The following YWHAZ variants were observed in gnomAD, a reference collection of about 807,000 sequenced individuals.
The protein encoded by YWHAZ is 14-3-3 protein zeta/delta.
For synonymous variants in YWHAZ, 87 were observed against 103.6 expected, an observed-to-expected ratio of 0.84 and a Z score of 0.97; for missense variants, 79 against 284.8, an observed-to-expected ratio of 0.28 and a Z score of 5.20.
chr8:100,930,875 CTAA>C (rs1343475902), intron 2 of YWHAZ, among the ~76,000 whole-genome samples: 1 of 152,124 alleles, frequency 6.6e-6, no homozygotes, highest in Non-Finnish European at 1.5e-5. Context: ...AGCATTCACC[CTAA>C]TAATATTAAG....
upstream of YWHAZ, chr8:100,952,766 C>A: frequency 1.0e-6 from 1 of 996,408 alleles, no homozygotes; most frequent in South Asian, 4.7e-5. Context: ...CTGCCCCCCG[C>A]CCCGCCCGCC....
At chr8:100,933,498 A>G in intron 2 of YWHAZ, among the ~76,000 whole-genome samples, 1 of 152,062 alleles carries the variant, frequency 6.6e-6, no homozygotes, top group South Asian at 2.1e-4. Context: ...TTAAATATAT[A>G]TTTTTTTTGC....
At chr8:100,921,459 A>T (rs1210857251) in intron 5 of YWHAZ, among the ~76,000 whole-genome samples, 1 of 152,210 alleles carries the variant, frequency 6.6e-6, no homozygotes, top group Non-Finnish European at 1.5e-5. Flanking sequence ...TGAAGGAGCT[A>T]GGGTTGACTA....
chr8:100,950,657 T>TTGGG lies in YWHAZ; in HGVS notation c.-12+1271_-12+1272insCCCA, dbSNP rs71276929. 1,632 of 721,912 alleles carry TTGGG rather than the reference T, an allele frequency of 2.3e-3. 7 individuals carry two copies. Among genetic ancestry groups the TTGGG allele is most frequent in the Admixed American group, 0.014 (168 of 11,618 alleles). The allele number at this position is 721,912 out of a possible 1,614,324, so 44.7% of individuals were successfully genotyped here. On this transcript the variant is annotated intron_variant, in intron 1 of 5. Transcript: ENST00000395958. ...GCAGCCCGCGCCCCCGCCCAAGCCG[T>TTGGG]GGGGGGGGGGGAGAGATGGGGAGCG...
At chr8:100,951,410 G>C in intron 1 of YWHAZ, 2 of 982,216 alleles carry the variant, frequency 2.0e-6, no homozygotes, top group South Asian at 4.7e-5. Flanking sequence ...GCGAGGGGGA[G>C]GGAAAGGAGG....
upstream of YWHAZ, chr8:100,953,329 G>A: frequency 5.1e-6 from 5 of 985,722 alleles, no homozygotes; most frequent in Non-Finnish European, 6.0e-6. Context: ...TCCAGCTGGC[G>A]GTGGGAGTGG....
intron 2 of YWHAZ, among the ~76,000 whole-genome samples, chr8:100,926,116 A>G (rs941533334): frequency 2.6e-5 from 4 of 152,160 alleles, no homozygotes; most frequent in Non-Finnish European, 5.9e-5. Flanking sequence ...AAATGCTTTT[A>G]AATGGTAACT....
At chr8:100,940,065 A>AT (rs940051212) in intron 2 of YWHAZ, among the ~76,000 whole-genome samples, 14 of 147,538 alleles carry the variant, frequency 9.5e-5, no homozygotes, top group African/African-American at 3.4e-4. Flanking sequence ...TCCGTCTCAA[A>AT]AAAAAAAAAA....
chr8:100,928,627 G>T (rs1383271130), intron 2 of YWHAZ, among the ~76,000 whole-genome samples: 2 of 151,992 alleles, frequency 1.3e-5, no homozygotes, highest in African/African-American at 2.4e-5. Flanking sequence ...CAGGTACTCA[G>T]GAGGCTGAGG....
chr8:100,949,507 G>A (rs1164739644), intron 1 of YWHAZ, among the ~76,000 whole-genome samples: 1 of 151,900 alleles, frequency 6.6e-6, no homozygotes, highest in Non-Finnish European at 1.5e-5. Context: ...ATGACCAACT[G>A]TTTGTTTTCA....
At position 100,922,918 on chromosome 8, in the gene YWHAZ, T is replaced by C. The variant is rs967333197; in HGVS notation, c.678+1037A>G. ...ATGTTTGATATATAAGATTCTTTCA[T>C]TCTTTACTGTGGCTTGTTATCTTGA... On this transcript the variant is annotated intron_variant, in intron 5 of 5. Transcript: ENST00000395958. The surrounding 1 kb of genome is among the most constrained non-coding windows in gnomAD (Gnocchi z 4.1). 3 of 152,252 alleles carry C rather than the reference T, an allele frequency of 2.0e-5. No homozygotes were observed. The highest frequency in any genetic ancestry group is 7.2e-5 in the African/African-American group (3 of 41,468). The allele number at this position is 152,252 out of a possible 1,614,324, so 9.4% of individuals were successfully genotyped here. A position where few individuals can be genotyped will look rare whatever the true frequency, so the allele number is the denominator to read the frequency against.
intron 1 of YWHAZ, chr8:100,951,199 C>T (rs1295239650): frequency 1.1e-5 from 11 of 985,212 alleles, no homozygotes; most frequent in African/African-American, 1.7e-5. Context: ...GCAGTGGACT[C>T]CCCTCCCGCC....
rs768524252 is a variant in YWHAZ at position 100,920,714 on chromosome 8, T to C, written c.717A>G (p.Ala239=). 1.3e-6 allele frequency: 2 copies of C among 1,542,082 alleles called. No individual in the cohort carries two copies. The highest frequency in any genetic ancestry group is 2.2e-5 in the South Asian group (2 of 90,152). ...TSDTQGDEAE[A]GEGGEN ...CCGGTTAATTTTCCCCTCCTTCTCC[T>C]GCTTCAGCTTCGTCTCCTTGGGTAT... Residue 239 remains alanine (A), a synonymous_variant, in exon 6 of 6, where the codon GCA becomes GCG. Transcript: ENST00000395958.
Position 100,918,985 on chromosome 8 carries a change from CAG to C in YWHAZ, c.*1706_*1707del, listed in dbSNP as rs1427123493. On this transcript the variant is annotated 3_prime_UTR_variant, in exon 6 of 6. Coordinates refer to ENST00000395958, the MANE Select transcript of YWHAZ (RefSeq NM_145690.3). ...GAAGGATTTTAAAGGCAGACAATGA[CAG>C]ACCATTCAGGATAGGTAGGGTTTTA... 2.0e-5 allele frequency: 3 copies of C among 152,546 alleles called. No homozygotes were observed. The East Asian group carries it at 5.8e-4, about 29-fold the overall frequency. The allele number at this position is 152,546 out of a possible 1,614,324, so 9.4% of individuals were successfully genotyped here.
intron 2 of YWHAZ, among the ~76,000 whole-genome samples, chr8:100,938,516 G>C (rs957958495): frequency 6.6e-6 from 1 of 152,086 alleles, no homozygotes; most frequent in Non-Finnish European, 1.5e-5. Flanking sequence ...CCCCACAAAT[G>C]TCATTTTAAT....
At chr8:100,926,298 A>G (rs982955260) in intron 2 of YWHAZ, among the ~76,000 whole-genome samples, 13 of 151,984 alleles carry the variant, frequency 8.6e-5, no homozygotes, top group African/African-American at 3.1e-4. Context: ...GTTAAAGGTG[A>G]GAAAAGTCAA....
chr8:100,944,154 C>A (rs1586149353), intron 2 of YWHAZ, among the ~76,000 whole-genome samples: 1 of 152,012 alleles, frequency 6.6e-6, no homozygotes, highest in African/African-American at 2.4e-5. Flanking sequence ...ATAGATATAA[C>A]CCTACAGAGT....
intron 2 of YWHAZ, among the ~76,000 whole-genome samples, chr8:100,939,696 C>G (rs1814480195): frequency 6.6e-6 from 1 of 151,596 alleles, no homozygotes; most frequent in Non-Finnish European, 1.5e-5. Context: ...CATCTGAAAA[C>G]AAATTTTGAA....
chr8:100,940,166 C>T (rs377725764), intron 2 of YWHAZ, among the ~76,000 whole-genome samples: 1 of 152,064 alleles, frequency 6.6e-6, no homozygotes, highest in South Asian at 2.1e-4. Flanking sequence ...TATTGACACT[C>T]ACTGAAGGCG....
Sources: gnomAD v4.1 joint callset for allele counts (sites outside exome capture counted in the v4.1 genomes callset) on GRCh38, gnomAD v4.1.1 for gene constraint, Gnocchi (gnomAD v3.1) non-coding constraint, MANE v1.5 for transcripts, NCBI Gene and HGNC (gene_info 2026-07-23, HGNC 2026-07-21) for gene names.